OTULINL: variants seen among roughly 807,000 people sequenced by gnomAD.
The protein encoded by OTULINL is inactive ubiquitin thioesterase OTULINL.
OTULINL carries 42 observed loss-of-function variants against 43.9 expected under a neutral mutation model. The observed-to-expected ratio is 0.96, with a 90% CI of 0.75 to 1.24. OTULINL has a LOEUF of 1.24. OTULINL is among the 50% of genes most tolerant of loss of function. The pLI, the probability that OTULINL is intolerant of heterozygous loss-of-function variation, is 0.00. For missense variants in OTULINL, 411 were observed against 426.4 expected, an observed-to-expected ratio of 0.96 and a Z score of 0.32; for synonymous variants, 172 against 153.6, an observed-to-expected ratio of 1.12 and a Z score of -0.88.
intron 7 of OTULINL, among the ~76,000 whole-genome samples, chr5:14,609,870 G>A (rs1228187293): frequency 1.3e-5 from 2 of 152,022 alleles, no homozygotes; most frequent in Non-Finnish European, 2.9e-5. Flanking sequence ...CGCCCGCCTC[G>A]GCCTCCCAAA....
Position 14,592,084 on chromosome 5 carries a change from T to C in OTULINL, c.65-8881T>C, listed in dbSNP as rs547809297. ...CACATGGCCGATGAGACCTAAAATA[T>C]GTACTCTCTGACCCTTTTCAGAAGA... On this transcript the variant is annotated intron_variant, in intron 1 of 7. Transcript: ENST00000274217. Among the ~76,000 whole-genome samples the C allele has an allele frequency of 4.6e-5, 7 of 152,278 alleles. No individual in the cohort carries two copies. The East Asian group carries it at 5.8e-4, about 13-fold the overall frequency.
In OTULINL at chr5:14,607,373, A is replaced by G. The variant is rs1202362721; in HGVS notation, c.542A>G (p.Gln181Arg). The G allele has an allele frequency of 6.2e-7, 1 of 1,614,160 alleles. No homozygotes were observed. The highest frequency in any genetic ancestry group is 1.7e-5 in the Admixed American group (1 of 60,022). Residue 181 changes from glutamine (Q) to arginine (R), a missense_variant, in exon 6 of 8, where the codon CAG becomes CGG. Physicochemically the swap from Gln to Arg is conservative, Grantham distance 43 (BLOSUM62 1). Transcript: ENST00000274217. ...LLFSQGCNWI[Q>R]QYSFGPEKYT... ...TTTTCACAAGGTTGTAATTGGATTC[A>G]GCAGTACAGTTTTGGTCCTGAGAAG...
rs987481526 is a variant in OTULINL at position 14,611,045 on chromosome 5, G to A, written c.*731G>A. 3 of 152,116 alleles carry A rather than the reference G, an allele frequency of 2.0e-5. No individual in the cohort carries two copies. The highest frequency in any genetic ancestry group is 7.2e-5 in the African/African-American group (3 of 41,424). The allele number at this position is 152,116 out of a possible 1,614,324, so 9.4% of individuals were successfully genotyped here. On this transcript the variant is annotated 3_prime_UTR_variant, in exon 8 of 8. Coordinates refer to ENST00000274217, the MANE Select transcript of OTULINL (RefSeq NM_019018.3). Reference sequence around the variant, plus strand: ...TAAAATTCTGTAGATTAAAGCAAATGACAGTTATTGAACTATCACAAAACT... The same window carrying A: ...TAAAATTCTGTAGATTAAAGCAAATAACAGTTATTGAACTATCACAAAACT...
chr5:14,582,022 G>A (rs1579911206), intron 1 of OTULINL, 64 bp downstream of exon 1: 4 of 1,139,838 alleles, frequency 3.5e-6, no homozygotes, highest in Non-Finnish European at 1.1e-6. Context: ...GGCGGGCGGG[G>A]TCGCAGGCAG....
chr5:14,598,394 G>T (rs1161959662), intron 1 of OTULINL, among the ~76,000 whole-genome samples: 1 of 152,230 alleles, frequency 6.6e-6, no homozygotes, highest in African/African-American at 2.4e-5. Flanking sequence ...GGGGTTTAGG[G>T]AAGTAGGTGC....
intron 7 of OTULINL, 22 bp downstream of exon 7, chr5:14,609,039 C>T: frequency 4.4e-6 from 7 of 1,594,606 alleles, no homozygotes; most frequent in Non-Finnish European, 6.0e-6. Flanking sequence ...GGAAGAACTG[C>T]TTGTATTTGA....
intron 2 of OTULINL, 36 bp downstream of exon 2, chr5:14,601,160 T>G: frequency 6.2e-7 from 1 of 1,611,834 alleles, no homozygotes; most frequent in Non-Finnish European, 8.5e-7. Context: ...TTCAAATGTA[T>G]CTTTACTATT....
rs971333287 is a variant in OTULINL at position 14,614,230 on chromosome 5, A to G, written c.*3916A>G. Reference sequence around the variant, plus strand: ...ATATATATCATATGTCTTTTCATGCATCTGAAACTTTAACTGTCTATAGGG... The same window carrying G: ...ATATATATCATATGTCTTTTCATGCGTCTGAAACTTTAACTGTCTATAGGG... On this transcript the variant is annotated 3_prime_UTR_variant, in exon 8 of 8. Coordinates refer to ENST00000274217, the MANE Select transcript of OTULINL (RefSeq NM_019018.3). 5.9e-5 allele frequency among the ~76,000 whole-genome samples: 9 copies of G among 152,216 alleles called. No homozygotes were observed. The highest frequency in any genetic ancestry group is 2.2e-4 in the African/African-American group (9 of 41,466).
In OTULINL at chr5:14,609,621, A is replaced by ATT. The variant is rs201855537; in HGVS notation, c.898-494_898-493dup. On this transcript the variant is annotated intron_variant, in intron 7 of 7. Coordinates refer to ENST00000274217, the MANE Select transcript of OTULINL (RefSeq NM_019018.3). ...TTTTTTCAAGTAGCTTTTTCCTGTG[A>ATT]TTTTTTTTTTTTTTTTTTTTTTTTT... 2.3e-4 allele frequency among the ~76,000 whole-genome samples: 23 copies of ATT among 102,214 alleles called. 1 individual carries two copies. Among genetic ancestry groups the ATT allele is most frequent in the African/African-American group, 7.1e-4 (20 of 28,184 alleles). The allele number at this position is 102,214 out of a possible 152,430, so 67.1% of individuals were successfully genotyped here.
chr5:14,596,027 T>G (rs1005221952), intron 1 of OTULINL, among the ~76,000 whole-genome samples: 6 of 152,196 alleles, frequency 3.9e-5, no homozygotes, highest in African/African-American at 1.4e-4. Flanking sequence ...ATCAAATCCA[T>G]AATTTCTGGC....
intron 5 of OTULINL, among the ~76,000 whole-genome samples, chr5:14,603,787 C>CA (rs1759427700): frequency 6.6e-6 from 1 of 152,020 alleles, no homozygotes; most frequent in African/African-American, 2.4e-5. Flanking sequence ...CAATGTAAGG[C>CA]AGTGCATTCT....
intron 5 of OTULINL, among the ~76,000 whole-genome samples, chr5:14,603,714 G>A (rs1759426605): frequency 6.6e-6 from 1 of 151,836 alleles, no homozygotes; most frequent in Non-Finnish European, 1.5e-5. Context: ...TCTGAATACA[G>A]TGCTTTGTCA....
intron 1 of OTULINL, among the ~76,000 whole-genome samples, chr5:14,587,228 A>G (rs1429239452): frequency 6.6e-6 from 1 of 152,242 alleles, no homozygotes; most frequent in Non-Finnish European, 1.5e-5. Flanking sequence ...TGTGACGAGA[A>G]GGCCTCAACT....
intron 5 of OTULINL, among the ~76,000 whole-genome samples, chr5:14,605,933 A>C (rs149977344): frequency 0.012 from 1,799 of 152,100 alleles, 34 homozygotes; most frequent in African/African-American, 0.041. Flanking sequence ...TCTTCTGAGC[A>C]CTCCAAATTG....
In OTULINL at chr5:14,610,195, C is replaced by G. The variant is rs1406209469; in HGVS notation, c.952C>G (p.Leu318Val). 6.2e-7 allele frequency: 1 copy of G among 1,614,064 alleles called. No homozygotes were observed. Among genetic ancestry groups the G allele is most frequent in the South Asian group, 1.1e-5 (1 of 91,084 alleles). The change falls in exon 8 of 8, where the codon CTG (leucine) becomes GTG (valine). Residue 318 changes from leucine (L) to valine (V), a missense_variant. Leu to Val is a conservative substitution (Grantham distance 32). Coordinates refer to ENST00000274217, the MANE Select transcript of OTULINL (RefSeq NM_019018.3). ...TGAAGTAAAGATAAAAGTGTTCAGA[C>G]TGTTCAAGTTTAACTCCAGAGACTT... ...SLEVKIKVFR[L>V]FKFNSRDFEV...
intron 1 of OTULINL, among the ~76,000 whole-genome samples, chr5:14,587,788 T>C (rs1052012146): frequency 6.6e-6 from 1 of 152,244 alleles, no homozygotes; most frequent in African/African-American, 2.4e-5. Context: ...GCAGAGTCTG[T>C]GCTTGGTGAC....
At position 14,608,874 on chromosome 5, in the gene OTULINL, A is replaced by G; in HGVS notation, c.754A>G (p.Thr252Ala). Residue 252 changes from threonine (T) to alanine (A), a missense_variant, in exon 7 of 8, where the codon ACT becomes GCT. Coordinates refer to ENST00000274217, the MANE Select transcript of OTULINL (RefSeq NM_019018.3). Reference sequence around the variant, plus strand: ...AAAGTTCATCATGCTGTATCAAGTCACTGAAGTTTATGAACAAATGAAGAC... The same window carrying G: ...AAAGTTCATCATGCTGTATCAAGTCGCTGAAGTTTATGAACAAATGAAGAC... ...ALKFIMLYQVTEVYEQMKTKK... is the reference protein window; with the variant it reads ...ALKFIMLYQVAEVYEQMKTKK... 1 of 1,614,190 alleles carries G rather than the reference A, an allele frequency of 6.2e-7. No homozygotes were observed. The highest frequency in any genetic ancestry group is 8.5e-7 in the Non-Finnish European group (1 of 1,180,016).
At chr5:14,602,391 C>A in intron 5 of OTULINL, 59 bp downstream of exon 5, 2 of 1,507,118 alleles carry the variant, frequency 1.3e-6, no homozygotes, top group South Asian at 1.2e-5. Context: ...GCAACTCAGA[C>A]TCCTAGTCTT....
chr5:14,595,594 T>TG (rs1270096043), intron 1 of OTULINL, among the ~76,000 whole-genome samples: 1 of 135,412 alleles, frequency 7.4e-6, no homozygotes, highest in Non-Finnish European at 1.6e-5. Context: ...TTGTAGAGAA[T>TG]GGAAAAAAAA....
Sources: allele counts gnomAD v4.1 joint callset (sites outside exome capture counted in the v4.1 genomes callset), GRCh38; gene constraint gnomAD v4.1.1; transcripts MANE v1.5; gene names NCBI Gene and HGNC (gene_info 2026-07-23, HGNC 2026-07-21).